MELK: variants seen among roughly 807,000 people sequenced by gnomAD.
The protein encoded by MELK is maternal embryonic leucine zipper kinase, also known as pEg3 kinase.
MELK carries 81 observed loss-of-function variants against 85.0 expected under a neutral mutation model. That is an observed-to-expected ratio of 0.95 (90% CI 0.80 to 1.15). The LOEUF (loss-of-function observed/expected upper bound fraction) is 1.15, where lower values mean the gene tolerates loss of function less well. Among genes scored for constraint, MELK ranks in the 50% most tolerant of loss-of-function variants. The pLI is 0.00. For synonymous variants in MELK, 252 were observed against 265.0 expected, an observed-to-expected ratio of 0.95 and a Z score of 0.48; for missense variants, 754 against 777.5, an observed-to-expected ratio of 0.97 and a Z score of 0.36.
intron 7 of MELK, among the ~76,000 whole-genome samples, chr9:36,603,125 G>A (rs1825104795): frequency 6.6e-6 from 1 of 152,116 alleles, no homozygotes; most frequent in South Asian, 2.1e-4. Context: ...ATTTTAAATT[G>A]TTTTCTTGTC....
Position 36,677,373 on chromosome 9 carries a change from G to A in MELK, c.*36G>A, listed in dbSNP as rs1010109855. The A allele has an allele frequency of 6.4e-7, 1 of 1,564,206 alleles. No individual in the cohort carries two copies. Among genetic ancestry groups the A allele is most frequent in the African/African-American group, 1.4e-5 (1 of 73,730 alleles). ...CTTCCATCCTGCCGGATGAGTGTGG[G>A]TGTGATACAGCCTACATAAAGACTG... On this transcript the variant is annotated 3_prime_UTR_variant, in exon 18 of 18. Transcript: ENST00000298048.
chr9:36,602,802 G>T (rs776687252), intron 7 of MELK, among the ~76,000 whole-genome samples: 1 of 152,022 alleles, frequency 6.6e-6, no homozygotes, highest in Non-Finnish European at 1.5e-5. Flanking sequence ...CAGGTGATCC[G>T]TCTGCCTTGG....
intron 16 of MELK, among the ~76,000 whole-genome samples, chr9:36,672,473 A>G (rs958778338): frequency 3.3e-5 from 5 of 152,220 alleles, no homozygotes; most frequent in African/African-American, 1.2e-4. Flanking sequence ...AGTTATGTAA[A>G]TATTTTGGAA....
chr9:36,643,526 A>G (rs1440911368), intron 11 of MELK, among the ~76,000 whole-genome samples: 1 of 152,240 alleles, frequency 6.6e-6, no homozygotes, highest in African/African-American at 2.4e-5. Context: ...ATTGCATTTA[A>G]AAAATATTTA....
intron 7 of MELK, among the ~76,000 whole-genome samples, chr9:36,603,081 G>A (rs1377973750): frequency 6.6e-6 from 1 of 152,138 alleles, no homozygotes; most frequent in Non-Finnish European, 1.5e-5. Context: ...ATGAGAATCT[G>A]CTGATTTGAG....
chr9:36,573,586 A>G lies in MELK; in HGVS notation c.-39+579A>G, dbSNP rs187861832. On this transcript the variant is annotated intron_variant, in intron 1 of 17. Transcript: ENST00000298048. ...AATGGCGCGATCTCGGCTCACCGCA[A>G]CCTCCGCCTCCCAAGTTCAAGCGAT... Among the ~76,000 whole-genome samples the G allele has an allele frequency of 5.1e-3, 775 of 151,992 alleles. 4 individuals are homozygous for G. Among genetic ancestry groups the G allele is most frequent in the Non-Finnish European group, 8.3e-3 (564 of 67,950 alleles).
At chr9:36,659,612 G>A (rs1385495385) in intron 13 of MELK, among the ~76,000 whole-genome samples, 1 of 152,136 alleles carries the variant, frequency 6.6e-6, no homozygotes, top group East Asian at 1.9e-4. Context: ...GCTTGGCGAG[G>A]TTTCCTTAGA....
chr9:36,664,966 G>A (rs1483444563), intron 13 of MELK, among the ~76,000 whole-genome samples: 1 of 152,162 alleles, frequency 6.6e-6, no homozygotes, highest in Non-Finnish European at 1.5e-5. Flanking sequence ...TTCTGTTAGA[G>A]TAGTTTAACA....
At chr9:36,613,681 G>A (rs561494731) in intron 8 of MELK, among the ~76,000 whole-genome samples, 1 of 152,258 alleles carries the variant, frequency 6.6e-6, no homozygotes, top group Admixed American at 6.5e-5. Flanking sequence ...GGATGTGAGA[G>A]TGTCAAGTGG....
intron 8 of MELK, among the ~76,000 whole-genome samples, chr9:36,624,083 C>CTTTT (rs774510229): frequency 3.0e-5 from 4 of 132,946 alleles, no homozygotes; most frequent in Non-Finnish European, 4.8e-5. Flanking sequence ...TATTATACTT[C>CTTTT]TTTTTTTTTT....
At chr9:36,620,891 A>C (rs1475832577) in intron 8 of MELK, among the ~76,000 whole-genome samples, 4 of 152,084 alleles carry the variant, frequency 2.6e-5, no homozygotes, top group South Asian at 2.1e-4. Context: ...TTCTGCACTC[A>C]TGTAGTAACA....
chr9:36,639,504 T>C (rs532661543), intron 10 of MELK, among the ~76,000 whole-genome samples: 1 of 152,252 alleles, frequency 6.6e-6, no homozygotes, highest in African/African-American at 2.4e-5. Context: ...ATAGAAATTA[T>C]AGTCAGTTTC....
intron 3 of MELK, among the ~76,000 whole-genome samples, chr9:36,587,979 G>T (rs917717554): frequency 4.6e-5 from 7 of 151,096 alleles, no homozygotes; most frequent in African/African-American, 1.7e-4. Context: ...TGTTGGCCAG[G>T]CTGATCTTGA....
chr9:36,593,669 T>TTTGTTGTTGTTG (rs146859631), intron 4 of MELK, among the ~76,000 whole-genome samples: 1 of 152,094 alleles, frequency 6.6e-6, no homozygotes, highest in Non-Finnish European at 1.5e-5. Flanking sequence ...AGGTACGTTT[T>TTTGTTGTTGTTG]TTGTTGTTGT....
At chr9:36,581,239 T>A (rs1422783526) in intron 1 of MELK, among the ~76,000 whole-genome samples, 1 of 152,096 alleles carries the variant, frequency 6.6e-6, no homozygotes, top group African/African-American at 2.4e-5. Context: ...CTTGCTATGT[T>A]GCCCAGGCTG....
At chr9:36,667,154 CT>C (rs150628173) in intron 14 of MELK, among the ~76,000 whole-genome samples, 10 of 147,614 alleles carry the variant, frequency 6.8e-5, no homozygotes, top group South Asian at 2.1e-4. Flanking sequence ...CCCTTTTTTT[CT>C]TTTTTTTTTA....
intron 3 of MELK, among the ~76,000 whole-genome samples, chr9:36,587,251 A>G (rs774224551): frequency 4.6e-5 from 7 of 152,044 alleles, no homozygotes; most frequent in Non-Finnish European, 1.0e-4. Flanking sequence ...TCAAGACATG[A>G]TATCTAGTTG....
At position 36,608,413 on chromosome 9, in the gene MELK, T is replaced by TTG. The variant is rs1281181884; in HGVS notation, c.666+744_666+745dup. 1.5e-4 allele frequency among the ~76,000 whole-genome samples: 22 copies of TTG among 142,418 alleles called. 1 individual carries two copies. The highest frequency in any genetic ancestry group is 9.4e-4 in the South Asian group (4 of 4,242). The allele number at this position is 142,418 out of a possible 152,430, so 93.4% of individuals were successfully genotyped here. ...ATGTATAAATTAAACTTTATCAAAC[T>TTG]TGTGTATATATATATATATATGGAA... On this transcript the variant is annotated intron_variant, in intron 8 of 17. Coordinates refer to ENST00000298048, the MANE Select transcript of MELK (RefSeq NM_014791.4).
chr9:36,601,552 CTTTTTA>C lies in MELK; in HGVS notation c.567+2073_567+2078del, dbSNP rs1329724735. ...CATAGTCCTGGAATCATGCTGGATA[CTTTTTA>C]TTTTTAATTGTGGTAAAATACACAT... On this transcript the variant is annotated intron_variant, in intron 7 of 17. Transcript: ENST00000298048. Among the ~76,000 whole-genome samples, 6 of 152,236 alleles carry C rather than the reference CTTTTTA, an allele frequency of 3.9e-5. No individual in the cohort carries two copies. The East Asian group carries it at 9.6e-4, about 24-fold the overall frequency.
Sources: gnomAD v4.1 joint callset for allele counts (sites outside exome capture counted in the v4.1 genomes callset) on GRCh38, gnomAD v4.1.1 for gene constraint, MANE v1.5 for transcripts, NCBI Gene and HGNC (gene_info 2026-07-23, HGNC 2026-07-21) for gene names.